The following FARS2 variants were observed in gnomAD, a reference collection of about 807,000 sequenced individuals.
FARS2 encodes the protein phenylalanyl-tRNA synthetase 2, mitochondrial, also known as phenylalanine--tRNA ligase, mitochondrial.
In FARS2, 40 loss-of-function variants were observed where a neutral mutation model predicts 46.4. That is an observed-to-expected ratio of 0.86 (90% confidence interval 0.67 to 1.12). FARS2 has a LOEUF of 1.12. FARS2 is among the 50% of genes most tolerant of loss of function. The pLI, the probability that FARS2 is intolerant of heterozygous loss-of-function variation, is 0.00. For missense variants in FARS2, 513 were observed against 567.9 expected (o/e 0.90, Z 0.98); for synonymous variants, 234 against 214.9 (o/e 1.09, Z -0.78).
intron 2 of FARS2, among the ~76,000 whole-genome samples, chr6:5,382,301 G>A (rs914136272): frequency 2.4e-4 from 37 of 152,098 alleles, no homozygotes; most frequent in African/African-American, 1.4e-4. Flanking sequence ...TCCAGATAAG[G>A]TAAAAGACCC....
intron 1 of FARS2, among the ~76,000 whole-genome samples, chr6:5,331,696 A>G (rs1457818754): frequency 1.3e-5 from 2 of 152,188 alleles, no homozygotes; most frequent in East Asian, 3.8e-4. Flanking sequence ...CGAGGTCAAC[A>G]CTGACAGAAT....
In FARS2 at chr6:5,315,818, G is replaced by T. The variant is rs150866345; in HGVS notation, c.-21-52732G>T. On this transcript the variant is annotated intron_variant, in intron 1 of 6. Transcript: ENST00000274680. ...AGAATACCTAACGCATTTGTGATGC[G>T]CTGCTTATAAATGCATGTTCAGAGG... 9.7e-4 allele frequency among the ~76,000 whole-genome samples: 142 copies of T among 146,578 alleles called. 1 individual carries two copies. The highest frequency in any genetic ancestry group is 3.4e-3 in the African/African-American group (137 of 40,738).
intron 6 of FARS2, among the ~76,000 whole-genome samples, chr6:5,754,845 T>C (rs1390803762): frequency 6.6e-6 from 1 of 152,202 alleles, no homozygotes; most frequent in East Asian, 1.9e-4. Context: ...TCTTGGGTGT[T>C]CTGCAGTTTC....
intron 2 of FARS2, among the ~76,000 whole-genome samples, chr6:5,402,181 A>T (rs1039959068): frequency 6.7e-6 from 1 of 149,138 alleles, no homozygotes; most frequent in Non-Finnish European, 1.5e-5. Context: ...TGTCCCTTGC[A>T]TGCTTTGGAA....
intron 5 of FARS2, among the ~76,000 whole-genome samples, chr6:5,561,903 T>TA (rs1362901528): frequency 6.6e-6 from 1 of 152,086 alleles, no homozygotes; most frequent in Non-Finnish European, 1.5e-5. Context: ...ATTTCCTCTC[T>TA]AATTTTTTAA....
intron 1 of FARS2, among the ~76,000 whole-genome samples, chr6:5,345,440 A>C (rs1405127090): frequency 6.6e-6 from 1 of 152,200 alleles, no homozygotes; most frequent in Non-Finnish European, 1.5e-5. Flanking sequence ...CAGGAGTGTC[A>C]CTTCACCCCG....
intron 1 of FARS2, among the ~76,000 whole-genome samples, chr6:5,359,998 C>T (rs529348886): frequency 2.6e-5 from 4 of 152,284 alleles, no homozygotes; most frequent in South Asian, 2.1e-4. Context: ...CTAGAAGCAA[C>T]GTCATTGTAT....
intron 4 of FARS2, among the ~76,000 whole-genome samples, chr6:5,444,560 C>T (rs995824101): frequency 2.7e-5 from 4 of 147,938 alleles, no homozygotes; most frequent in African/African-American, 5.0e-5. Flanking sequence ...AGTCTCAGGT[C>T]GAAGACTCTG....
At chr6:5,441,934 T>C (rs960604220) in intron 4 of FARS2, among the ~76,000 whole-genome samples, 4 of 152,186 alleles carry the variant, frequency 2.6e-5, no homozygotes, top group African/African-American at 4.8e-5. Context: ...GGCAGTCTGA[T>C]ACGTTTAAAA....
chr6:5,682,577 G>A (rs1274426800), intron 6 of FARS2, among the ~76,000 whole-genome samples: 3 of 152,210 alleles, frequency 2.0e-5, no homozygotes, highest in Non-Finnish European at 4.4e-5. Context: ...CAGTTGGTCT[G>A]TTCAGTCCTT....
intron 5 of FARS2, among the ~76,000 whole-genome samples, chr6:5,557,381 G>A (rs776450512): frequency 9.9e-5 from 15 of 152,124 alleles, no homozygotes; most frequent in African/African-American, 2.4e-5. Context: ...TTACGACAAC[G>A]TCTAGAGACA....
chr6:5,602,834 A>T (rs1392398770), intron 5 of FARS2, among the ~76,000 whole-genome samples: 3 of 151,986 alleles, frequency 2.0e-5, no homozygotes, highest in Admixed American at 6.6e-5. Context: ...GCACGCTTAT[A>T]ATTTATAACC....
chr6:5,441,284 T>C (rs892131204), intron 4 of FARS2, among the ~76,000 whole-genome samples: 1 of 152,226 alleles, frequency 6.6e-6, no homozygotes, highest in African/African-American at 2.4e-5. Context: ...AGTTTTTCTT[T>C]TTATTCTTTC....
intron 6 of FARS2, among the ~76,000 whole-genome samples, chr6:5,705,970 AT>A (rs1459725195): frequency 1.3e-5 from 2 of 152,072 alleles, no homozygotes; most frequent in African/African-American, 4.8e-5. Context: ...GCAGTGACGT[AT>A]TTGTTTTACT....
intron 5 of FARS2, among the ~76,000 whole-genome samples, chr6:5,575,796 G>A (rs1285195540): frequency 6.6e-6 from 1 of 152,168 alleles, no homozygotes; most frequent in Non-Finnish European, 1.5e-5. Flanking sequence ...GCTTTCATCT[G>A]AATTGGCAGA....
At chr6:5,757,852 T>C (rs1762287995) in intron 6 of FARS2, among the ~76,000 whole-genome samples, 1 of 152,250 alleles carries the variant, frequency 6.6e-6, no homozygotes, top group Admixed American at 6.5e-5. Context: ...CTATTGTTGC[T>C]ACGGTTACTA....
At chr6:5,731,631 G>A (rs1157550445) in intron 6 of FARS2, among the ~76,000 whole-genome samples, 1 of 152,120 alleles carries the variant, frequency 6.6e-6, no homozygotes, top group Non-Finnish European at 1.5e-5. Flanking sequence ...TCATAGCAGG[G>A]CAGAAGCCAG....
rs1460556295 is a variant in FARS2 at position 5,368,602 on chromosome 6, A to G, written c.32A>G (p.His11Arg). 3 of 1,613,718 alleles carry G rather than the reference A, an allele frequency of 1.9e-6. No individual in the cohort carries two copies. The highest frequency in any genetic ancestry group is 1.7e-6 in the Non-Finnish European group (2 of 1,179,738). The change falls in exon 2 of 7, where the codon CAT becomes CGT. Residue 11 changes from histidine to arginine, a missense_variant. Physicochemically the swap from His to Arg is conservative, Grantham distance 29. Coordinates refer to ENST00000274680, the MANE Select transcript of FARS2 (RefSeq NM_006567.5). MVGSALRRGAHAYVYLVSKAS... is the reference protein window; with the variant it reads MVGSALRRGARAYVYLVSKAS... ...GGCTCAGCTCTCAGGAGAGGTGCCC[A>G]TGCATATGTCTACCTGGTGAGTAAG... is the stretch of plus-strand genomic sequence containing the variant.
At chr6:5,575,118 G>T (rs1772883866) in intron 5 of FARS2, among the ~76,000 whole-genome samples, 1 of 152,138 alleles carries the variant, frequency 6.6e-6, no homozygotes, top group Non-Finnish European at 1.5e-5. Flanking sequence ...GCCTTCTTGG[G>T]CTAAGGACAC....
Sources: allele counts gnomAD v4.1 joint callset (sites outside exome capture counted in the v4.1 genomes callset), GRCh38; gene constraint gnomAD v4.1.1; transcripts MANE v1.5; gene names NCBI Gene and HGNC (gene_info 2026-07-23, HGNC 2026-07-21).